Variants in SPINT1 observed in about 807,000 individuals in gnomAD.
The protein encoded by SPINT1 is serine peptidase inhibitor, Kunitz type 1.
A neutral mutation model predicts 53.7 loss-of-function variants in SPINT1; 38 were observed. The observed-to-expected ratio is 0.71, with a 90% confidence interval of 0.55 to 0.93. The LOEUF (loss-of-function observed/expected upper bound fraction) is 0.93, where lower values mean the gene tolerates loss of function less well. Among genes scored for constraint, SPINT1 ranks in the 40% least tolerant of loss-of-function variants. The pLI, the probability that SPINT1 is intolerant of heterozygous loss-of-function variation, is 0.00. For missense variants in SPINT1, 645 were observed against 692.9 expected, an observed-to-expected ratio of 0.93 and a Z score of 0.78; for synonymous variants, 283 against 280.6, an observed-to-expected ratio of 1.01 and a Z score of -0.08.
intron 10 of SPINT1, 134 bp downstream of exon 10, chr15:40,856,457 C>T: frequency 8.6e-7 from 1 of 1,157,744 alleles, no homozygotes. Context: ...GTACCGTAAT[C>T]AAATGGGGAT....
chr15:40,855,893 G>A lies in SPINT1; in HGVS notation c.1119G>A (p.Gly373=), dbSNP rs971496408. 18 of 1,613,768 alleles carry A rather than the reference G, an allele frequency of 1.1e-5. No individual in the cohort carries two copies. Among genetic ancestry groups the A allele is most frequent in the Non-Finnish European group, 1.4e-5 (17 of 1,179,788 alleles). The part of the protein sequence containing the change: ...LQRIHFPSDK[G]HCVDLPDTGL... ...CATAGCCTACCCCATACCCCCCAGG[G>A]CACTGCGTGGACCTGCCAGACACAG... The change falls in exon 9 of 11, where the codon GGG becomes GGA. Residue 373 remains glycine (G), a splice_region_variant and synonymous_variant. Transcript: ENST00000562057.
chr15:40,852,306 A>G lies in SPINT1; in HGVS notation c.476-818A>G, dbSNP rs1024137761. The stretch of plus-strand genomic sequence containing the variant: ...GTTGGATTTGGGGCCTAACCAGCTA[A>G]TCCAGGATGATCGCATCTGGAGATC... On this transcript the variant is annotated intron_variant, in intron 2 of 10. Transcript: ENST00000562057. Among the ~76,000 whole-genome samples the G allele has an allele frequency of 5.9e-5, 9 of 152,164 alleles. No homozygotes were observed. In the East Asian group the frequency reaches 1.4e-3, roughly 23 times the overall value.
chr15:40,844,469 T>C lies in SPINT1; in HGVS notation c.-65-21T>C, dbSNP rs749501212. On this transcript the variant is annotated intron_variant, in intron 1 of 10. Transcript: ENST00000562057. The surrounding 1 kb of genome is among the most constrained non-coding windows in gnomAD (Gnocchi z 5.8). ...GGCTGATCAGGTGTGTCTCCTCCTCTGTCCCCTCCCTTCTTCTCAGGTCAC... is the reference window on the plus strand; with the variant it reads ...GGCTGATCAGGTGTGTCTCCTCCTCCGTCCCCTCCCTTCTTCTCAGGTCAC... 6 of 1,351,472 alleles carry C rather than the reference T, an allele frequency of 4.4e-6. No individual in the cohort carries two copies. In the East Asian group the frequency reaches 1.2e-4, roughly 26 times the overall value. The allele number at this position is 1,351,472 out of a possible 1,614,324, so 83.7% of individuals were successfully genotyped here. A position where few individuals can be genotyped will look rare whatever the true frequency, so the allele number is the denominator to read the frequency against.
intron 8 of SPINT1, 35 bp from the exon 9 acceptor site, chr15:40,855,857 G>T: frequency 6.3e-7 from 1 of 1,586,766 alleles, no homozygotes; most frequent in Non-Finnish European, 8.6e-7. Flanking sequence ...GGAGGCCATG[G>T]ACTCGCTCAC....
intron 6 of SPINT1, 102 bp downstream of exon 6, chr15:40,854,188 C>A (rs1378159059): frequency 2.8e-6 from 4 of 1,406,738 alleles, no homozygotes; most frequent in African/African-American, 1.4e-5. Flanking sequence ...CCATTCCTCC[C>A]CTCAGAGTTT....
At position 40,844,721 on chromosome 15, in the gene SPINT1, C is replaced by T; in HGVS notation, c.167C>T (p.Ala56Val). 6.2e-7 allele frequency: 1 copy of T among 1,609,122 alleles called. No individual in the cohort carries two copies. Residue 56 changes from alanine to valine, a missense_variant, in exon 2 of 11, where the codon GCC becomes GTC. Transcript: ENST00000562057. The surrounding 1 kb of genome is among the most constrained non-coding windows in gnomAD (Gnocchi z 5.8). ...AGADCLNSFT[A>V]GVPGFVLDTN... ...GCCGACTGCCTGAACAGCTTTACCG[C>T]CGGGGTGCCTGGCTTCGTGCTGGAC...
chr15:40,855,932 G>A lies in SPINT1; in HGVS notation c.1158G>A (p.Glu386=), dbSNP rs763466698. The A allele has an allele frequency of 2.5e-6, 4 of 1,614,238 alleles. No homozygotes were observed. Among genetic ancestry groups the A allele is most frequent in the East Asian group, 2.2e-5 (1 of 44,892 alleles). ...VDLPDTGLCK[E]SIPRWYYNPF... ...TGCCAGACACAGGACTCTGCAAGGA[G>A]AGCATCCCGCGCTGGTACTACAACC... is the stretch of plus-strand genomic sequence containing the variant. The change falls in exon 9 of 11, where the codon GAG becomes GAA. Residue 386 remains glutamate (E), a synonymous_variant. Coordinates refer to ENST00000562057, the MANE Select transcript of SPINT1 (RefSeq NM_003710.4).
intron 2 of SPINT1, among the ~76,000 whole-genome samples, chr15:40,850,769 G>T (rs893138834): frequency 6.6e-6 from 1 of 152,150 alleles, no homozygotes; most frequent in Admixed American, 6.6e-5. Context: ...ATCTGCCCTG[G>T]ACCGCTGCAC....
In SPINT1 at chr15:40,856,901, C is replaced by T. The variant is rs1891661523; in HGVS notation, c.1468C>T (p.Pro490Ser). 6.2e-7 allele frequency: 1 copy of T among 1,614,198 alleles called. No homozygotes were observed. The highest frequency in any genetic ancestry group is 8.5e-7 in the Non-Finnish European group (1 of 1,180,030). Residue 490 changes from proline (P) to serine (S), a missense_variant, in exon 11 of 11, where the codon CCT (proline) becomes TCT (serine). Physicochemically the swap from Pro to Ser is moderately conservative, Grantham distance 74 (BLOSUM62 -1). Coordinates refer to ENST00000562057, the MANE Select transcript of SPINT1 (RefSeq NM_003710.4). ...ACACCACCACCACCCACCACCCACCCCTGCCAGCTCCACTGTCTCCACTAC... is the reference window on the plus strand; with the variant it reads ...ACACCACCACCACCCACCACCCACCTCTGCCAGCTCCACTGTCTCCACTAC... ...HGHHHHPPPT[P>S]ASSTVSTTED...
At chr15:40,853,665 C>T in intron 4 of SPINT1, 38 bp downstream of exon 4, 3 of 1,614,004 alleles carry the variant, frequency 1.9e-6, no homozygotes, top group Non-Finnish European at 2.5e-6. Context: ...GGAGCCCCCG[C>T]TGTGCGGATT....
chr15:40,854,895 C>T lies in SPINT1; in HGVS notation c.1117+206C>T, dbSNP rs643875. Among the ~76,000 whole-genome samples, 24,769 of 152,126 alleles carry T rather than the reference C, an allele frequency of 0.16. 2,196 individuals carry two copies. Among genetic ancestry groups the T allele is most frequent in the Non-Finnish European group, 0.2 (13,509 of 67,978 alleles). ...CTTCTGTGGCTCTGTGTTTTCCAGG[C>T]ATCACTCATTCTCCGAACACCTTCA... is the stretch of plus-strand genomic sequence containing the variant. On this transcript the variant is annotated intron_variant, in intron 8 of 10. Coordinates refer to ENST00000562057, the MANE Select transcript of SPINT1 (RefSeq NM_003710.4).
intron 2 of SPINT1, among the ~76,000 whole-genome samples, chr15:40,848,739 T>C (rs1891365265): frequency 6.6e-6 from 1 of 152,164 alleles, no homozygotes; most frequent in African/African-American, 2.4e-5. Context: ...TGGAATGATT[T>C]CCAATATATA....
chr15:40,845,178 GCTCTTGTCGCC>G, intron 2 of SPINT1, 149 bp downstream of exon 2: 1 of 681,362 alleles, frequency 1.5e-6, no homozygotes, highest in South Asian at 2.1e-5. Flanking sequence ...ACGGAGTCTC[GCTCTTGTCGCC>G]CAGGCTGGAG....
chr15:40,852,372 C>T (rs1891483436), intron 2 of SPINT1, among the ~76,000 whole-genome samples: 1 of 152,122 alleles, frequency 6.6e-6, no homozygotes, highest in South Asian at 2.1e-4. Context: ...AATCAGGTCA[C>T]GTTTATGGGT....
chr15:40,851,443 G>A (rs1331714566), intron 2 of SPINT1, among the ~76,000 whole-genome samples: 3 of 152,030 alleles, frequency 2.0e-5, no homozygotes, highest in African/African-American at 2.4e-5. Flanking sequence ...GAGCCACCGC[G>A]CCCAGCTGTG....
chr15:40,855,753 C>T (rs1891613132), intron 8 of SPINT1, 139 bp from the exon 9 acceptor site: 2 of 816,220 alleles, frequency 2.5e-6, no homozygotes, highest in Non-Finnish European at 3.7e-6. Context: ...TGCAGCTGGG[C>T]CAGGTGTTTT....
chr15:40,853,483 G>A lies in SPINT1; in HGVS notation c.604-6G>A. 6.2e-7 allele frequency: 1 copy of A among 1,614,138 alleles called. No individual in the cohort carries two copies. The highest frequency in any genetic ancestry group is 8.5e-7 in the Non-Finnish European group (1 of 1,180,008). ...GCCCAAGCCTGATAGCCACTCCTGT[G>A]TGCAGAGGAAAGACCCAAACCAGGT... is the stretch of plus-strand genomic sequence containing the variant. On this transcript the variant is annotated splice_polypyrimidine_tract_variant and splice_region_variant and intron_variant, in intron 3 of 10. Transcript: ENST00000562057.
rs200486135 is a variant in SPINT1, at chr15:40,844,802, G to A, written c.248G>A (p.Arg83Gln). The change falls in exon 2 of 11, where the codon CGG becomes CAG. Residue 83 changes from arginine (R) to glutamine (Q), a missense_variant. By Grantham distance (43) the Arg-to-Gln change is conservative. Transcript: ENST00000562057. The surrounding 1 kb of genome is among the most constrained non-coding windows in gnomAD (Gnocchi z 5.8). ...ATFLESPTVR[R>Q]GWDCVRACCT... ...TTCCTGGAGTCCCCCACCGTGCGCCGGGGCTGGGACTGCGTGCGCGCCTGC... is the reference window on the plus strand; with the variant it reads ...TTCCTGGAGTCCCCCACCGTGCGCCAGGGCTGGGACTGCGTGCGCGCCTGC... 3.7e-6 allele frequency: 6 copies of A among 1,613,294 alleles called. No homozygotes were observed. Among genetic ancestry groups the A allele is most frequent in the Middle Eastern group, 1.7e-4 (1 of 6,058 alleles).
intron 2 of SPINT1, among the ~76,000 whole-genome samples, chr15:40,849,362 C>T (rs115942136): frequency 0.053 from 8,136 of 152,254 alleles, 344 homozygotes; most frequent in African/African-American, 0.12. Flanking sequence ...TCCTCCCAAC[C>T]TCATCTTCAT....
Sources: gnomAD v4.1 joint callset for allele counts (sites outside exome capture counted in the v4.1 genomes callset) on GRCh38, gnomAD v4.1.1 for gene constraint, Gnocchi (gnomAD v3.1) non-coding constraint, MANE v1.5 for transcripts, NCBI Gene and HGNC (gene_info 2026-07-23, HGNC 2026-07-21) for gene names.